SHANK1: variants seen among roughly 807,000 people sequenced by gnomAD.
SHANK1 encodes SH3 and multiple ankyrin repeat domains 1, also known as SH3 and multiple ankyrin repeat domains protein 1.
In SHANK1, 35 loss-of-function variants were observed where a neutral mutation model predicts 165.6. The observed-to-expected ratio is 0.21, with a 90% CI of 0.16 to 0.28. The LOEUF is 0.28. Among genes scored for constraint, SHANK1 ranks in the 10% least tolerant of loss-of-function variants. SHANK1 has a pLI of 1.00. For missense variants in SHANK1, 2,681 were observed against 3,036.4 expected, an observed-to-expected ratio of 0.88 and a Z score of 2.75; for synonymous variants, 1,428 against 1,384.8, an observed-to-expected ratio of 1.03 and a Z score of -0.69.
At position 50,668,338 on chromosome 19, in the gene SHANK1, G is replaced by A. The variant is rs2123082473; in HGVS notation, c.3622C>T (p.Pro1208Ser). Reference sequence around the variant, plus strand: ...GTGGGCACGGGCGAGGGGGACGGGGGCACGGGTGACATGGCCGGGGCGGGG... The same window carrying A: ...GTGGGCACGGGCGAGGGGGACGGGGACACGGGTGACATGGCCGGGGCGGGG... ...PSPAPAMSPV[P>S]PSPSPVPTPA... The change falls in exon 23 of 24, where the codon CCC becomes TCC. Residue 1208 changes from proline (P) to serine (S), a missense_variant. By Grantham distance (74) the Pro-to-Ser change is moderately conservative. This residue lies in a region of SHANK1 where 1,713 missense variants were observed against 1,630.2 expected (regional missense o/e 1.05). Coordinates refer to ENST00000293441, the MANE Select transcript of SHANK1 (RefSeq NM_016148.5). 6.4e-6 allele frequency: 8 copies of A among 1,259,728 alleles called. No homozygotes were observed. Among genetic ancestry groups the A allele is most frequent in the African/African-American group, 1.6e-5 (1 of 64,146 alleles). 78.0% of individuals were successfully genotyped at this position (1,259,728 alleles called of 1,614,324 possible). A position where few individuals can be genotyped will look rare whatever the true frequency, so the allele number is the denominator to read the frequency against.
Position 50,686,657 on chromosome 19 carries a change from C to A in SHANK1, c.2458+87G>T, listed in dbSNP as rs188558442. 1,634 of 1,271,960 alleles carry A rather than the reference C, an allele frequency of 1.3e-3. 29 individuals are homozygous for A. In the African/African-American group the frequency reaches 0.022, roughly 17 times the overall value. 78.8% of individuals were successfully genotyped at this position (1,271,960 alleles called of 1,614,324 possible). On this transcript the variant is annotated intron_variant, in intron 20 of 23. Coordinates refer to ENST00000293441, the MANE Select transcript of SHANK1 (RefSeq NM_016148.5). This position sits in a 1 kb window ranked among gnomAD's most constrained non-coding sequence, Gnocchi z 5.7. ...CTCTCTGGGGCAGGAAGGTGAGGGGCGCCGTGGGGTTCATGGTGGGACAGG... is the reference window on the plus strand; with the variant it reads ...CTCTCTGGGGCAGGAAGGTGAGGGGAGCCGTGGGGTTCATGGTGGGACAGG...
In SHANK1 at chr19:50,667,977, G is replaced by C. The variant is rs1985614972; in HGVS notation, c.3983C>G (p.Ala1328Gly). 6.9e-7 allele frequency: 1 copy of C among 1,445,548 alleles called. No individual in the cohort carries two copies. Among genetic ancestry groups the C allele is most frequent in the African/African-American group, 1.5e-5 (1 of 67,220 alleles). 89.5% of individuals were successfully genotyped at this position (1,445,548 alleles called of 1,614,324 possible). A position where few individuals can be genotyped will look rare whatever the true frequency, so the allele number is the denominator to read the frequency against. ...RAYGGGGGSS[A>G]FTSFLPPRPL... ...TCGCGGGGGCAGGAAGCTGGTGAAGGCGCTGCTGCCCCCGCCACCCCCGTA... is the reference window on the plus strand; with the variant it reads ...TCGCGGGGGCAGGAAGCTGGTGAAGCCGCTGCTGCCCCCGCCACCCCCGTA... The change falls in exon 23 of 24, where the codon GCC becomes GGC. Residue 1328 changes from alanine (A) to glycine (G), a missense_variant. Physicochemically the swap from Ala to Gly is moderately conservative, Grantham distance 60 (BLOSUM62 0). This residue lies in a region of SHANK1 where 1,713 missense variants were observed against 1,630.2 expected (regional missense o/e 1.05). Coordinates refer to ENST00000293441, the MANE Select transcript of SHANK1 (RefSeq NM_016148.5). The surrounding 1 kb of genome is among the most constrained non-coding windows in gnomAD (Gnocchi z 5.7).
At position 50,702,798 on chromosome 19, in the gene SHANK1, G is replaced by A; in HGVS notation, c.1554-138C>T. On this transcript the variant is annotated intron_variant, in intron 11 of 23. Transcript: ENST00000293441. This position sits in a 1 kb window ranked among gnomAD's most constrained non-coding sequence, Gnocchi z 5.3. Reference sequence around the variant, plus strand: ...TTTCCCAGCACTGGCGTCCTCCAAGGAAGAGGGCATTTGGGGGCTCCCTCT... The same window carrying A: ...TTTCCCAGCACTGGCGTCCTCCAAGAAAGAGGGCATTTGGGGGCTCCCTCT... 2 of 622,106 alleles carry A rather than the reference G, an allele frequency of 3.2e-6. No homozygotes were observed. Among genetic ancestry groups the A allele is most frequent in the Non-Finnish European group, 5.6e-6 (2 of 358,788 alleles). 38.5% of individuals were successfully genotyped at this position (622,106 alleles called of 1,614,324 possible). A position where few individuals can be genotyped will look rare whatever the true frequency, so the allele number is the denominator to read the frequency against.
At chr19:50,712,774 C>T (rs2089023195) in intron 6 of SHANK1, among the ~76,000 whole-genome samples, 1 of 152,248 alleles carries the variant, frequency 6.6e-6, no homozygotes, top group South Asian at 2.1e-4. Flanking sequence ...TGGGGATGGT[C>T]TGCAACTGCA....
At chr19:50,704,217 A>AG (rs760515236) in intron 9 of SHANK1, 31 bp from the exon 10 acceptor site, 42 of 1,605,542 alleles carry the variant, frequency 2.6e-5, no homozygotes, top group African/African-American at 4.0e-5. Context: ...CAGGTCGGCC[A>AG]GGGGGGCCCA....
intron 21 of SHANK1, 126 bp from the exon 22 acceptor site, chr19:50,672,240 A>G (rs1325017949): frequency 2.6e-6 from 2 of 766,952 alleles, no homozygotes; most frequent in South Asian, 3.3e-5. Context: ...CGTAAGGGAG[A>G]GCAGTGTGAA....
Position 50,672,134 on chromosome 19 carries a change from G to C in SHANK1, c.2578-20C>G. On this transcript the variant is annotated intron_variant, in intron 21 of 23. Transcript: ENST00000293441. ...GCTCGACTTTGGAGCGGCAGTCAGA[G>C]GGGGAGAGAGAGAAAAGATAGAGAG... is the stretch of plus-strand genomic sequence containing the variant. 1 of 1,587,206 alleles carries C rather than the reference G, an allele frequency of 6.3e-7. No homozygotes were observed. The highest frequency in any genetic ancestry group is 8.6e-7 in the Non-Finnish European group (1 of 1,158,460).
At chr19:50,696,956 C>T (rs538041958) in intron 15 of SHANK1, 140 bp downstream of exon 15, 99 of 733,720 alleles carry the variant, frequency 1.3e-4, no homozygotes, top group African/African-American at 1.3e-3. Context: ...CACACAGATG[C>T]GTGTCATGCA....
At chr19:50,665,992 CAA>C (rs1985488519) in intron 23 of SHANK1, among the ~76,000 whole-genome samples, 198 bp downstream of exon 23, 1 of 140,392 alleles carries the variant, frequency 7.1e-6, no homozygotes, top group Admixed American at 7.1e-5. Context: ...GCCTGGGCAA[CAA>C]GAGTGAAACT....
chr19:50,665,737 T>TAAAAAAAA lies in SHANK1; in HGVS notation c.5768+447_5768+454dup, dbSNP rs71182756. ...GGGTGACAGAGTGAGACCCTGTTTC[T>TAAAAAAAA]AAAAAAAAAAAAAAAGCCAGGCATG... On this transcript the variant is annotated intron_variant, in intron 23 of 23. Coordinates refer to ENST00000293441, the MANE Select transcript of SHANK1 (RefSeq NM_016148.5). Among the ~76,000 whole-genome samples the TAAAAAAAA allele has an allele frequency of 1.4e-4, 14 of 98,168 alleles. 1 individual carries two copies. The highest frequency in any genetic ancestry group is 2.1e-4 in the Non-Finnish European group (11 of 51,832). The allele number at this position is 98,168 out of a possible 152,430, so 64.4% of individuals were successfully genotyped here.
Position 50,666,669 on chromosome 19 carries a change from G to T in SHANK1, c.5291C>A (p.Ala1764Asp). ...GGGGCCAGGCCGCAGGCCTCCGCTG[G>T]CTCCTAGCGCCCGGCCCCGGAGCTT... ...PSKLRGRALG[A>D]SGGLRPGPSG... The change falls in exon 23 of 24, where the codon GCC becomes GAC. Residue 1764 changes from alanine to aspartate, a missense_variant. By Grantham distance (126) the Ala-to-Asp change is moderately radical (BLOSUM62 -2). Transcript: ENST00000293441. The T allele has an allele frequency of 6.3e-7, 1 of 1,587,056 alleles. No individual in the cohort carries two copies. The highest frequency in any genetic ancestry group is 8.5e-7 in the Non-Finnish European group (1 of 1,170,262).
intron 21 of SHANK1, among the ~76,000 whole-genome samples, chr19:50,679,641 C>T (rs1470010454): frequency 6.6e-6 from 1 of 152,174 alleles, no homozygotes. Flanking sequence ...CGTGGTCTGG[C>T]GCCTCAGTGG....
chr19:50,669,722 C>G (rs1318252056), intron 22 of SHANK1, among the ~76,000 whole-genome samples: 1 of 151,832 alleles, frequency 6.6e-6, no homozygotes, highest in Non-Finnish European at 1.5e-5. Context: ...TGTGATTCTA[C>G]AGAGAGAACC....
At chr19:50,663,431 G>GCC (rs1422451623) in intron 23 of SHANK1, among the ~76,000 whole-genome samples, 5 of 152,104 alleles carry the variant, frequency 3.3e-5, no homozygotes, top group African/African-American at 1.2e-4. Flanking sequence ...GCTCACTCTT[G>GCC]CCCTGGGCAG....
intron 7 of SHANK1, among the ~76,000 whole-genome samples, 169 bp from the exon 8 acceptor site, chr19:50,711,656 C>T (rs2089012313): frequency 6.6e-6 from 1 of 152,218 alleles, no homozygotes; most frequent in Admixed American, 6.5e-5. Flanking sequence ...AGGCTGTCAG[C>T]CTCAAAACCC....
In SHANK1 at chr19:50,662,046, C is replaced by T. The variant is rs1408030069; in HGVS notation, c.6405G>A (p.Glu2135=). 2.5e-6 allele frequency: 4 copies of T among 1,614,088 alleles called. No homozygotes were observed. Among genetic ancestry groups the T allele is most frequent in the Non-Finnish European group, 3.4e-6 (4 of 1,180,050 alleles). The change falls in exon 24 of 24, where the codon GAG becomes GAA. Residue 2135 remains glutamate (E), a synonymous_variant. Coordinates refer to ENST00000293441, the MANE Select transcript of SHANK1 (RefSeq NM_016148.5). The surrounding 1 kb of genome is among the most constrained non-coding windows in gnomAD (Gnocchi z 7.7). ...DGSHLPALTK[E]DYVDLGVTRV... Reference sequence around the variant, plus strand: ...TGGTCACACCTAGATCGACGTAGTCCTCCTTGGTCAAGGCGGGCAGGTGGG... The same window carrying T: ...TGGTCACACCTAGATCGACGTAGTCTTCCTTGGTCAAGGCGGGCAGGTGGG...
chr19:50,693,421 C>T (rs1293271265), intron 15 of SHANK1, among the ~76,000 whole-genome samples: 1 of 151,202 alleles, frequency 6.6e-6, no homozygotes, highest in Non-Finnish European at 1.5e-5. Flanking sequence ...CCCATTCAGG[C>T]TCCCTCTGGC....
Position 50,660,768 on chromosome 19 carries a change from CAAAA to C in SHANK1, c.*1193_*1196del, listed in dbSNP as rs1460254801. Reference sequence around the variant, plus strand: ...AAAAGCAAGTGTGCAAGAGGGTTCACAAAAGAATCAAAAATGCAGAAGGGCAAAG... The same window carrying C: ...AAAAGCAAGTGTGCAAGAGGGTTCACGAATCAAAAATGCAGAAGGGCAAAG... On this transcript the variant is annotated 3_prime_UTR_variant, in exon 24 of 24. Coordinates refer to ENST00000293441, the MANE Select transcript of SHANK1 (RefSeq NM_016148.5). Among the ~76,000 whole-genome samples, 1 of 138,904 alleles carries C rather than the reference CAAAA, an allele frequency of 7.2e-6. No individual in the cohort carries two copies. Among genetic ancestry groups the C allele is most frequent in the African/African-American group, 2.8e-5 (1 of 35,096 alleles). The allele number at this position is 138,904 out of a possible 152,430, so 91.1% of individuals were successfully genotyped here. A position where few individuals can be genotyped will look rare whatever the true frequency, so the allele number is the denominator to read the frequency against.
At position 50,661,687 on chromosome 19, in the gene SHANK1, T is replaced by C. The variant is rs1985230362; in HGVS notation, c.*278A>G. The C allele has an allele frequency of 4.6e-6, 2 of 438,698 alleles. No individual in the cohort carries two copies. The highest frequency in any genetic ancestry group is 8.3e-6 in the Non-Finnish European group (2 of 241,666). The allele number at this position is 438,698 out of a possible 1,614,324, so 27.2% of individuals were successfully genotyped here. On this transcript the variant is annotated 3_prime_UTR_variant, in exon 24 of 24. Coordinates refer to ENST00000293441, the MANE Select transcript of SHANK1 (RefSeq NM_016148.5). ...CCTCCCCCCAGAATAGGCCCTTCCC[T>C]CCTTCTCAATTCCCCTCTGTAATTT...
Sources: gnomAD v4.1 joint callset for allele counts (sites outside exome capture counted in the v4.1 genomes callset) on GRCh38, gnomAD v4.1.1 for gene constraint, gnomAD v4.1.1 regional missense constraint, Gnocchi (gnomAD v3.1) non-coding constraint, MANE v1.5 for transcripts, NCBI Gene and HGNC (gene_info 2026-07-23, HGNC 2026-07-21) for gene names.